The following CACNA2D3 variants were observed in gnomAD, a reference collection of about 807,000 sequenced individuals.
The protein encoded by CACNA2D3 is calcium voltage-gated channel auxiliary subunit alpha2delta 3.
CACNA2D3 carries 60 observed loss-of-function variants against 160.6 expected under a neutral mutation model. The observed-to-expected ratio is 0.37, with a 90% CI of 0.30 to 0.46. CACNA2D3 has a LOEUF of 0.46. CACNA2D3 is among the 20% of genes least tolerant of loss of function. The pLI is 1.00. For synonymous variants in CACNA2D3, 558 were observed against 492.9 expected, an observed-to-expected ratio of 1.13 and a Z score of -1.75; for missense variants, 1,205 against 1,365.0, an observed-to-expected ratio of 0.88 and a Z score of 1.85.
rs144882943 is a variant in CACNA2D3, at chr3:54,926,119, C to T, written c.2449+26251C>T. Among the ~76,000 whole-genome samples, 323 of 152,212 alleles carry T rather than the reference C, an allele frequency of 2.1e-3. 1 individual carries two copies. Among genetic ancestry groups the T allele is most frequent in the African/African-American group, 7.3e-3 (303 of 41,532 alleles). ...CAATTTCTATTTTCCAGCATAAGCC[C>T]TTTTCCTCACACCATTACTGATGTA... On this transcript the variant is annotated intron_variant, in intron 27 of 37. Transcript: ENST00000474759.
At chr3:54,342,654 A>G (rs1373987043) in intron 3 of CACNA2D3, among the ~76,000 whole-genome samples, 1 of 152,198 alleles carries the variant, frequency 6.6e-6, no homozygotes, top group Non-Finnish European at 1.5e-5. Context: ...TAAGAACGGC[A>G]CTGTACAAAT....
chr3:54,389,296 TA>T (rs34532007), intron 4 of CACNA2D3, among the ~76,000 whole-genome samples: 48,181 of 143,964 alleles, frequency 0.33, 7,841 homozygotes, highest in Admixed American at 0.4. Flanking sequence ...AACTCCGTCT[TA>T]AAAAAAAAAA....
intron 2 of CACNA2D3, among the ~76,000 whole-genome samples, chr3:54,216,305 A>G (rs1028619592): frequency 3.9e-5 from 6 of 152,248 alleles, no homozygotes; most frequent in African/African-American, 1.4e-4. Flanking sequence ...ATCTTCTTGC[A>G]ATAATACACT....
intron 31 of CACNA2D3, among the ~76,000 whole-genome samples, chr3:54,997,923 C>G (rs1403960972): frequency 3.9e-5 from 6 of 152,076 alleles, no homozygotes; most frequent in African/African-American, 1.4e-4. Flanking sequence ...CAAGATATCC[C>G]TTGGGAATTC....
intron 29 of CACNA2D3, among the ~76,000 whole-genome samples, chr3:54,970,449 C>CTCTGCT (rs1559450807): frequency 1.7e-5 from 1 of 57,346 alleles, no homozygotes; most frequent in African/African-American, 6.6e-5. Context: ...CCTCCCCTCC[C>CTCTGCT]CTCCTCTCCT....
At chr3:54,258,890 G>A (rs922040581) in intron 2 of CACNA2D3, among the ~76,000 whole-genome samples, 5 of 152,168 alleles carry the variant, frequency 3.3e-5, no homozygotes, top group African/African-American at 7.2e-5. Context: ...GGAAGATTCC[G>A]TATTACTCAG....
intron 2 of CACNA2D3, among the ~76,000 whole-genome samples, chr3:54,159,444 T>G (rs1235368285): frequency 1.3e-5 from 2 of 152,140 alleles, no homozygotes; most frequent in African/African-American, 4.8e-5. Flanking sequence ...TGATGCAGTT[T>G]AAGGAAAAAA....
chr3:54,149,949 CTCCCTCCCTCTT>C (rs1348399322), intron 2 of CACNA2D3, among the ~76,000 whole-genome samples: 1 of 120,788 alleles, frequency 8.3e-6, no homozygotes, highest in Admixed American at 8.3e-5. Context: ...CCCTCCCTCC[CTCCCTCCCTCTT>C]CCTCCCCCCT....
chr3:54,741,349 C>G (rs1027223531), intron 11 of CACNA2D3, among the ~76,000 whole-genome samples: 1 of 152,188 alleles, frequency 6.6e-6, no homozygotes, highest in Non-Finnish European at 1.5e-5. Flanking sequence ...AGAATTAATC[C>G]TCCCTGCCCC....
At chr3:54,925,251 GT>G (rs1461073376) in intron 27 of CACNA2D3, 1 of 1,538,518 alleles carries the variant, frequency 6.5e-7, no homozygotes, top group Non-Finnish European at 8.9e-7. Context: ...ATAGGAACCA[GT>G]TTGTGAGGTG....
chr3:54,345,698 G>A lies in CACNA2D3; in HGVS notation c.321+25140G>A, dbSNP rs151304176. Reference sequence around the variant, plus strand: ...AGTGTCACTTAATGGAGTGTCTAGCGACTACCTTCTGTCACTCCCCAAAGC... The same window carrying A: ...AGTGTCACTTAATGGAGTGTCTAGCAACTACCTTCTGTCACTCCCCAAAGC... On this transcript the variant is annotated intron_variant, in intron 3 of 37. Coordinates refer to ENST00000474759, the MANE Select transcript of CACNA2D3 (RefSeq NM_018398.3). Among the ~76,000 whole-genome samples, 291 of 152,146 alleles carry A rather than the reference G, an allele frequency of 1.9e-3. 2 individuals carry two copies. Among genetic ancestry groups the A allele is most frequent in the Admixed American group, 9.2e-3 (140 of 15,280 alleles).
chr3:54,651,795 G>A (rs745429950), intron 11 of CACNA2D3, among the ~76,000 whole-genome samples: 1 of 152,112 alleles, frequency 6.6e-6, no homozygotes, highest in Non-Finnish European at 1.5e-5. Flanking sequence ...CCTCTGAGGG[G>A]GTTTTGTAAA....
intron 4 of CACNA2D3, among the ~76,000 whole-genome samples, chr3:54,447,947 T>G (rs1290677830): frequency 6.6e-6 from 1 of 152,146 alleles, no homozygotes; most frequent in East Asian, 1.9e-4. Context: ...CCGTATTTAG[T>G]GATGATATCA....
intron 9 of CACNA2D3, among the ~76,000 whole-genome samples, chr3:54,597,794 C>G (rs942489870): frequency 1.3e-5 from 2 of 152,108 alleles, no homozygotes. Context: ...AGTTACTGTT[C>G]AGCATGACAA....
intron 2 of CACNA2D3, among the ~76,000 whole-genome samples, chr3:54,231,988 G>A (rs878875746): frequency 6.6e-6 from 1 of 152,216 alleles, no homozygotes; most frequent in Non-Finnish European, 1.5e-5. Context: ...CTCAGCCCCC[G>A]ACTCTGGAGT....
intron 11 of CACNA2D3, among the ~76,000 whole-genome samples, chr3:54,651,505 TG>T (rs1699763564): frequency 6.6e-6 from 1 of 151,110 alleles, no homozygotes; most frequent in Non-Finnish European, 1.5e-5. Context: ...CTTGGTAGCC[TG>T]GTGAGGACTG....
chr3:54,435,023 G>A (rs1198774431), intron 4 of CACNA2D3, among the ~76,000 whole-genome samples: 5 of 152,090 alleles, frequency 3.3e-5, no homozygotes, highest in African/African-American at 7.2e-5. Context: ...TGTTTGATTA[G>A]GCCTATGGCT....
chr3:55,073,645 G>A, intron 36 of CACNA2D3, 88 bp downstream of exon 36: 1 of 1,275,358 alleles, frequency 7.8e-7, no homozygotes, highest in Non-Finnish European at 1.1e-6. Flanking sequence ...AAATATTAGA[G>A]AAGGAAAATT....
intron 2 of CACNA2D3, among the ~76,000 whole-genome samples, chr3:54,283,297 C>A (rs1702925344): frequency 1.3e-5 from 2 of 152,174 alleles, no homozygotes; most frequent in South Asian, 4.1e-4. Flanking sequence ...AATCCCTGCC[C>A]TCTGTAGGGT....
Sources: gnomAD v4.1 joint callset for allele counts (sites outside exome capture counted in the v4.1 genomes callset) on GRCh38, gnomAD v4.1.1 for gene constraint, MANE v1.5 for transcripts, NCBI Gene and HGNC (gene_info 2026-07-23, HGNC 2026-07-21) for gene names.